ASIC2: variants seen among roughly 807,000 people sequenced by gnomAD.
ASIC2 encodes the protein acid-sensing ion channel 2.
A neutral mutation model predicts 57.3 loss-of-function variants in ASIC2; 25 were observed. The observed-to-expected ratio is 0.44, with a 90% CI of 0.32 to 0.61. ASIC2 has a LOEUF of 0.61. ASIC2 is among the 20% of genes least tolerant of loss of function. The pLI, the probability that ASIC2 is intolerant of heterozygous loss-of-function variation, is 0.06. For synonymous variants in ASIC2, 319 were observed against 307.5 expected, an observed-to-expected ratio of 1.04 and a Z score of -0.39; for missense variants, 641 against 738.1, an observed-to-expected ratio of 0.87 and a Z score of 1.52.
intron 1 of ASIC2, among the ~76,000 whole-genome samples, chr17:33,938,941 T>C (rs1597939363): frequency 6.6e-6 from 1 of 152,350 alleles, no homozygotes; most frequent in East Asian, 1.9e-4. Context: ...TCTCTCCCCA[T>C]TGACCGGGGT....
chr17:33,898,678 C>T (rs1261397267), intron 1 of ASIC2, among the ~76,000 whole-genome samples: 1 of 152,146 alleles, frequency 6.6e-6, no homozygotes, highest in African/African-American at 2.4e-5. Context: ...GCTTCAAAAT[C>T]CAATCCAAGA....
rs577188033 is a variant in ASIC2 at position 33,814,453 on chromosome 17, A to G, written c.555+341525T>C. Among the ~76,000 whole-genome samples the G allele has an allele frequency of 1.2e-4, 19 of 152,326 alleles. No homozygotes were observed. In the East Asian group the frequency reaches 1.9e-3, roughly 15 times the overall value. Reference sequence around the variant, plus strand: ...GCTCTTAAGCAAATGTGAGACAGCAATGCACCATTACAAGCAGCCTCTAAT... The same window carrying G: ...GCTCTTAAGCAAATGTGAGACAGCAGTGCACCATTACAAGCAGCCTCTAAT... On this transcript the variant is annotated intron_variant, in intron 1 of 9. Transcript: ENST00000359872.
chr17:33,790,665 T>A (rs1364170203), intron 1 of ASIC2, among the ~76,000 whole-genome samples: 1 of 152,030 alleles, frequency 6.6e-6, no homozygotes, highest in Non-Finnish European at 1.5e-5. Flanking sequence ...ATAAGCTGAT[T>A]TATTATAATA....
chr17:33,747,894 T>A (rs1163830878), intron 1 of ASIC2, among the ~76,000 whole-genome samples: 4 of 152,204 alleles, frequency 2.6e-5, no homozygotes, highest in Non-Finnish European at 5.9e-5. Context: ...CATCCCCGCA[T>A]CTTCAAGTCA....
chr17:34,154,094 T>C (rs1452269862), intron 1 of ASIC2, among the ~76,000 whole-genome samples: 2 of 152,178 alleles, frequency 1.3e-5, no homozygotes, highest in Non-Finnish European at 2.9e-5. Flanking sequence ...CTGCTACTTA[T>C]TACAGTTTCT....
At chr17:33,116,143 A>T (rs72819111) in intron 1 of ASIC2, among the ~76,000 whole-genome samples, 11,237 of 152,332 alleles carry the variant, frequency 0.074, 585 homozygotes, top group Middle Eastern at 0.12. Context: ...GGAGAGGCTC[A>T]CGGAAAGCGA....
At chr17:34,103,274 T>C (rs1910932003) in intron 1 of ASIC2, among the ~76,000 whole-genome samples, 1 of 152,062 alleles carries the variant, frequency 6.6e-6, no homozygotes, top group Admixed American at 6.6e-5. Flanking sequence ...GCCTCCCAAG[T>C]AGCTGGGACC....
chr17:33,069,290 G>A (rs936307872), intron 3 of ASIC2, among the ~76,000 whole-genome samples: 7 of 152,120 alleles, frequency 4.6e-5, no homozygotes, highest in African/African-American at 9.7e-5. Flanking sequence ...GTGTGTACTC[G>A]TAAAGAATGT....
intron 1 of ASIC2, among the ~76,000 whole-genome samples, chr17:33,662,149 G>T (rs1180618160): frequency 6.6e-6 from 1 of 152,154 alleles, no homozygotes; most frequent in African/African-American, 2.4e-5. Flanking sequence ...TCTTAAAAGT[G>T]AGAAAATTGA....
intron 1 of ASIC2, among the ~76,000 whole-genome samples, chr17:33,115,206 G>A (rs958115419): frequency 4.6e-5 from 7 of 152,290 alleles, no homozygotes; most frequent in East Asian, 1.9e-4. Context: ...GTTCACAAAC[G>A]TGCCAGGTGT....
At chr17:33,311,702 C>G (rs1906432528) in intron 1 of ASIC2, among the ~76,000 whole-genome samples, 1 of 152,054 alleles carries the variant, frequency 6.6e-6, no homozygotes, top group African/African-American at 2.4e-5. Flanking sequence ...GGCAGGTATC[C>G]CAGAAGGAAA....
At chr17:33,153,942 T>G (rs779402542) in intron 1 of ASIC2, among the ~76,000 whole-genome samples, 1 of 152,200 alleles carries the variant, frequency 6.6e-6, no homozygotes, top group Non-Finnish European at 1.5e-5. Flanking sequence ...CTGTTGGGTC[T>G]GGCAAATCAC....
At chr17:33,268,045 G>A (rs763595317) in intron 1 of ASIC2, among the ~76,000 whole-genome samples, 2 of 152,132 alleles carry the variant, frequency 1.3e-5, no homozygotes, top group Non-Finnish European at 2.9e-5. Flanking sequence ...TATCGACAAA[G>A]GACTTTGACT....
intron 1 of ASIC2, among the ~76,000 whole-genome samples, chr17:34,079,619 T>G (rs527824818): frequency 1.3e-5 from 2 of 152,328 alleles, no homozygotes; most frequent in Admixed American, 6.5e-5. Context: ...TTTTCTTGAT[T>G]TCTGTACCCT....
intron 1 of ASIC2, among the ~76,000 whole-genome samples, chr17:33,547,363 C>T (rs967217183): frequency 1.1e-4 from 16 of 152,134 alleles, no homozygotes; most frequent in African/African-American, 3.4e-4. Context: ...AGTCTATATG[C>T]ATTACAGTGG....
chr17:33,418,374 A>T (rs1910932445), intron 1 of ASIC2, among the ~76,000 whole-genome samples: 1 of 152,176 alleles, frequency 6.6e-6, no homozygotes, highest in Admixed American at 6.5e-5. Context: ...TGTTAAAAAA[A>T]AAATCCCATT....
At chr17:33,698,525 T>C (rs1908599159) in intron 1 of ASIC2, among the ~76,000 whole-genome samples, 1 of 152,190 alleles carries the variant, frequency 6.6e-6, no homozygotes, top group South Asian at 2.1e-4. Flanking sequence ...TGCCAGTAAG[T>C]GACCCCATGA....
At chr17:33,134,690 T>C (rs2092360824) in intron 1 of ASIC2, among the ~76,000 whole-genome samples, 2 of 152,202 alleles carry the variant, frequency 1.3e-5, no homozygotes, top group Middle Eastern at 3.2e-3. Flanking sequence ...CCTGCCTGAG[T>C]AGAGAGCCCT....
At chr17:33,424,700 T>A (rs1482976542) in intron 1 of ASIC2, among the ~76,000 whole-genome samples, 2 of 152,134 alleles carry the variant, frequency 1.3e-5, no homozygotes, top group African/African-American at 2.4e-5. Flanking sequence ...TTTTCTTCCT[T>A]CCTTTAGTCC....
Sources: allele counts gnomAD v4.1 joint callset (sites outside exome capture counted in the v4.1 genomes callset), GRCh38; gene constraint gnomAD v4.1.1; transcripts MANE v1.5; gene names NCBI Gene and HGNC (gene_info 2026-07-23, HGNC 2026-07-21).